The following SMYD3 variants were observed in gnomAD, a reference collection of about 807,000 sequenced individuals.
SMYD3 encodes SET and MYND domain containing 3.
SMYD3 carries 36 observed loss-of-function variants against 57.7 expected under a neutral mutation model. The observed-to-expected ratio is 0.62, with a 90% CI of 0.48 to 0.82. The LOEUF (loss-of-function observed/expected upper bound fraction) is 0.82, where lower values mean the gene tolerates loss of function less well. SMYD3 is among the 40% of genes least tolerant of loss of function. The pLI is 0.00. For missense variants in SMYD3, 515 were observed against 538.8 expected (o/e 0.96, Z 0.44); for synonymous variants, 211 against 195.0 (o/e 1.08, Z -0.68).
At chr1:246,242,846 G>C (rs1043127974) in intron 5 of SMYD3, among the ~76,000 whole-genome samples, 3 of 151,950 alleles carry the variant, frequency 2.0e-5, no homozygotes, top group Non-Finnish European at 4.4e-5. Flanking sequence ...GATCAAAAGA[G>C]ACAAAGAAGG....
intron 5 of SMYD3, among the ~76,000 whole-genome samples, chr1:245,958,593 G>C (rs903315096): frequency 6.6e-6 from 1 of 152,194 alleles, no homozygotes; most frequent in South Asian, 2.1e-4. Context: ...CTCCTCCTCC[G>C]TAGCAAAGTA....
At chr1:245,789,493 T>C (rs553454106) in intron 10 of SMYD3, among the ~76,000 whole-genome samples, 2 of 152,306 alleles carry the variant, frequency 1.3e-5, no homozygotes, top group East Asian at 3.9e-4. Flanking sequence ...GATTATAGAA[T>C]TCAATGAATG....
chr1:246,017,013 T>C lies in SMYD3; in HGVS notation c.532-87076A>G, dbSNP rs1026670387. On this transcript the variant is annotated intron_variant, in intron 5 of 11. Coordinates refer to ENST00000490107, the MANE Select transcript of SMYD3 (RefSeq NM_001167740.2). ...AATGAAACTGTTCTGCTTAATACCA[T>C]AATACAAGTGTCTTTCCAAAGTTTT... Among the ~76,000 whole-genome samples, 9 of 152,240 alleles carry C rather than the reference T, an allele frequency of 5.9e-5. No individual in the cohort carries two copies. In the East Asian group the frequency reaches 1.7e-3, roughly 29 times the overall value.
At chr1:246,481,625 T>TATATATATATAC (rs1459254899) in intron 1 of SMYD3, among the ~76,000 whole-genome samples, 106 of 90,386 alleles carry the variant, frequency 1.2e-3, no homozygotes, top group African/African-American at 5.2e-3. Flanking sequence ...CATATATACA[T>TATATATATATAC]ACATACATAC....
At chr1:246,427,359 A>T (rs1362629144) in intron 1 of SMYD3, among the ~76,000 whole-genome samples, 1 of 151,450 alleles carries the variant, frequency 6.6e-6, no homozygotes, top group Non-Finnish European at 1.5e-5. Context: ...TCTCTACTAA[A>T]AATACAAAAA....
At chr1:246,166,608 C>A (rs1256514027) in intron 5 of SMYD3, among the ~76,000 whole-genome samples, 1 of 152,104 alleles carries the variant, frequency 6.6e-6, no homozygotes, top group South Asian at 2.1e-4. Flanking sequence ...CTGGGAACCA[C>A]GTCAGTCATT....
chr1:246,393,766 G>A (rs1043277837), intron 1 of SMYD3, among the ~76,000 whole-genome samples: 1 of 151,946 alleles, frequency 6.6e-6, no homozygotes, highest in Non-Finnish European at 1.5e-5. Context: ...TGAGGTAGGA[G>A]GACTGCTTGA....
At chr1:245,801,904 A>C (rs1211698289) in intron 10 of SMYD3, among the ~76,000 whole-genome samples, 1 of 141,460 alleles carries the variant, frequency 7.1e-6, no homozygotes, top group African/African-American at 3.0e-5. Flanking sequence ...GTTTAAAAAA[A>C]CACCAAAACA....
intron 1 of SMYD3, among the ~76,000 whole-genome samples, chr1:246,363,559 C>A (rs1209000140): frequency 6.6e-6 from 1 of 152,244 alleles, no homozygotes; most frequent in Non-Finnish European, 1.5e-5. Context: ...GGAGACTTTT[C>A]ATTTTGTTCT....
chr1:246,198,122 C>T (rs1196102045), intron 5 of SMYD3, among the ~76,000 whole-genome samples: 1 of 152,092 alleles, frequency 6.6e-6, no homozygotes, highest in African/African-American at 2.4e-5. Context: ...CTTTGCTTTC[C>T]CAGTAAGAGA....
At chr1:245,905,074 C>T (rs1257323612) in intron 8 of SMYD3, among the ~76,000 whole-genome samples, 1 of 151,856 alleles carries the variant, frequency 6.6e-6, no homozygotes, top group Non-Finnish European at 1.5e-5. Context: ...ACCCTTGGGC[C>T]CCGAATAACC....
At chr1:246,075,600 G>C (rs1004170012) in intron 5 of SMYD3, among the ~76,000 whole-genome samples, 1 of 152,082 alleles carries the variant, frequency 6.6e-6, no homozygotes, top group Non-Finnish European at 1.5e-5. Context: ...TACTACCGGA[G>C]GTGCTAAAGG....
chr1:245,795,861 C>A (rs913269341), intron 10 of SMYD3, among the ~76,000 whole-genome samples: 4 of 152,214 alleles, frequency 2.6e-5, no homozygotes, highest in African/African-American at 9.6e-5. Context: ...CAGTCTCTCT[C>A]CCTAAATACT....
chr1:246,477,875 A>G (rs1456721712), intron 1 of SMYD3, among the ~76,000 whole-genome samples: 40 of 124,994 alleles, frequency 3.2e-4, no homozygotes, highest in Admixed American at 3.2e-3. Flanking sequence ...CTATAACTCT[A>G]CTGCAGCACA....
In SMYD3 at chr1:245,817,331, A is replaced by G. The variant is rs915248151; in HGVS notation, c.1076+41165T>C. Among the ~76,000 whole-genome samples the G allele has an allele frequency of 1.2e-4, 18 of 145,426 alleles. 1 individual carries two copies. Among genetic ancestry groups the G allele is most frequent in the African/African-American group, 4.2e-4 (16 of 38,516 alleles). On this transcript the variant is annotated intron_variant, in intron 10 of 11. Coordinates refer to ENST00000490107, the MANE Select transcript of SMYD3 (RefSeq NM_001167740.2). ...GGGTATTCCAACAGCCCTGCAGCTG[A>G]GGGTCCTGCCTGTTAGAAGGAAAAC...
intron 1 of SMYD3, among the ~76,000 whole-genome samples, chr1:246,464,348 T>C (rs2067852075): frequency 6.6e-6 from 1 of 151,946 alleles, no homozygotes; most frequent in Non-Finnish European, 1.5e-5. Flanking sequence ...AAACCCCATC[T>C]CTACTAAAAA....
At chr1:246,470,499 T>TA (rs141239913) in intron 1 of SMYD3, among the ~76,000 whole-genome samples, 10 of 129,180 alleles carry the variant, frequency 7.7e-5, no homozygotes, top group African/African-American at 2.3e-4. Context: ...TGTCTAAAAA[T>TA]AAAAAAAAAT....
chr1:246,308,055 G>A (rs982561111), intron 5 of SMYD3, among the ~76,000 whole-genome samples: 2 of 152,016 alleles, frequency 1.3e-5, no homozygotes, highest in Non-Finnish European at 2.9e-5. Flanking sequence ...TCCATCTTAG[G>A]TCTCCGCATC....
intron 1 of SMYD3, among the ~76,000 whole-genome samples, chr1:246,441,011 G>A (rs1036819497): frequency 1.3e-5 from 2 of 152,142 alleles, no homozygotes; most frequent in Non-Finnish European, 2.9e-5. Context: ...GAGCAACATG[G>A]TCCTCCAATC....
Sources: gnomAD v4.1 joint callset for allele counts (sites outside exome capture counted in the v4.1 genomes callset) on GRCh38, gnomAD v4.1.1 for gene constraint, MANE v1.5 for transcripts, NCBI Gene and HGNC (gene_info 2026-07-23, HGNC 2026-07-21) for gene names.